Variants in PIK3CD observed in about 807,000 individuals in gnomAD.
The protein encoded by PIK3CD is phosphatidylinositol 4,5-bisphosphate 3-kinase catalytic subunit delta isoform.
PIK3CD carries 20 observed loss-of-function variants against 122.9 expected under a neutral mutation model. The observed-to-expected ratio is 0.16, with a 90% CI of 0.11 to 0.24. PIK3CD has a LOEUF of 0.24. PIK3CD is among the 10% of genes least tolerant of loss of function. PIK3CD has a pLI of 1.00. For missense variants in PIK3CD, 787 were observed against 1,406.3 expected (o/e 0.56, Z 7.04); for synonymous variants, 596 against 593.4 (o/e 1.00, Z -0.06).
At chr1:9,716,725 C>T in intron 6 of PIK3CD, 106 bp downstream of exon 6, 1 of 1,311,390 alleles carries the variant, frequency 7.6e-7, no homozygotes, top group Non-Finnish European at 1.1e-6. Context: ...CCTGCCGAGC[C>T]AGGCCTTTGG....
At chr1:9,705,978 G>T (rs1646815359) in intron 2 of PIK3CD, among the ~76,000 whole-genome samples, 1 of 151,472 alleles carries the variant, frequency 6.6e-6, no homozygotes, top group African/African-American at 2.4e-5. Context: ...CACTTGAAAT[G>T]TGGACAGTGT....
chr1:9,654,062 G>A (rs996520176), intron 1 of PIK3CD: 5 of 1,213,608 alleles, frequency 4.1e-6, no homozygotes, highest in Non-Finnish European at 5.5e-6. Flanking sequence ...CAGAGCAAGA[G>A]CCCATCTCTG....
At chr1:9,645,749 G>C in the PIK3CD span, among the ~76,000 whole-genome samples, 1 of 151,598 alleles carries the variant, frequency 6.6e-6, no homozygotes, top group East Asian at 1.9e-4. Context: ...GGGATTACAG[G>C]TGCCCGCCAC....
rs188243502 is a variant in PIK3CD, at chr1:9,728,244, T to G, written c.*1198T>G. On this transcript the variant is annotated 3_prime_UTR_variant, in exon 24 of 24. Transcript: ENST00000377346. ...GAAGTGTGAGAACGAGGGGGCGTGC[T>G]GGGATCTTTCTCTCTGACTATACTT... 20 of 152,428 alleles carry G rather than the reference T, an allele frequency of 1.3e-4. No homozygotes were observed. Among genetic ancestry groups the G allele is most frequent in the African/African-American group, 4.6e-4 (19 of 41,590 alleles). 9.4% of individuals were successfully genotyped at this position (152,428 alleles called of 1,614,324 possible).
intron 1 of PIK3CD, among the ~76,000 whole-genome samples, chr1:9,657,298 T>C (rs1644885381): frequency 6.6e-6 from 1 of 152,198 alleles, no homozygotes; most frequent in Admixed American, 6.5e-5. Flanking sequence ...TTCCAGATAA[T>C]GTCCAGGTCC....
upstream of PIK3CD, among the ~76,000 whole-genome samples, chr1:9,649,853 C>A (rs1366710177): frequency 6.6e-6 from 1 of 152,206 alleles, no homozygotes; most frequent in Non-Finnish European, 1.5e-5. Flanking sequence ...TGCTGTCAAC[C>A]CAGGGCTGAG....
rs960689013 is a variant in PIK3CD at position 9,724,488 on chromosome 1, C to A, written c.2864+67C>A. On this transcript the variant is annotated intron_variant, in intron 22 of 23. Coordinates refer to ENST00000377346, the MANE Select transcript of PIK3CD (RefSeq NM_005026.5). This position sits in a 1 kb window ranked among gnomAD's most constrained non-coding sequence, Gnocchi z 7.3. ...GCCCCAGGGAACAGGGCAGAGGTTC[C>A]CAGGCAGGGTGCAGGATGGGGCTCA... 4 of 1,576,614 alleles carry A rather than the reference C, an allele frequency of 2.5e-6. No homozygotes were observed. Among genetic ancestry groups the A allele is most frequent in the Non-Finnish European group, 3.5e-6 (4 of 1,148,524 alleles).
At chr1:9,712,608 T>C (rs1323451273) in intron 3 of PIK3CD, among the ~76,000 whole-genome samples, 1 of 152,146 alleles carries the variant, frequency 6.6e-6, no homozygotes, top group African/African-American at 2.4e-5. Flanking sequence ...AAAGCTATAA[T>C]TGGGAGCAGG....
chr1:9,715,763 G>A lies in PIK3CD; in HGVS notation c.364G>A (p.Gly122Ser), dbSNP rs1026915695. Reference protein sequence around the residue: ...LINSQISLLIGKGLHEFDSLC... With the variant: ...LINSQISLLISKGLHEFDSLC... ...CAACTCACAGATCAGCCTCCTCATC[G>A]GCAAAGGTAGCTCTGCCGAGTGGGC... is the stretch of plus-strand genomic sequence containing the variant. The change falls in exon 4 of 24, where the codon GGC (glycine) becomes AGC (serine). Residue 122 changes from glycine (G) to serine (S), a missense_variant. Physicochemically the swap from Gly to Ser is moderately conservative, Grantham distance 56. Coordinates refer to ENST00000377346, the MANE Select transcript of PIK3CD (RefSeq NM_005026.5). This position sits in a 1 kb window ranked among gnomAD's most constrained non-coding sequence, Gnocchi z 4.1. The A allele has an allele frequency of 2.2e-5, 36 of 1,613,032 alleles. No homozygotes were observed. The highest frequency in any genetic ancestry group is 2.8e-5 in the Non-Finnish European group (33 of 1,179,974).
the PIK3CD span, among the ~76,000 whole-genome samples, chr1:9,633,773 T>C: frequency 6.6e-6 from 1 of 152,146 alleles, no homozygotes; most frequent in Non-Finnish European, 1.5e-5. Flanking sequence ...GAAAGAAGGT[T>C]TTTTTTCTCT....
At chr1:9,666,712 A>C (rs1039893651) in intron 1 of PIK3CD, among the ~76,000 whole-genome samples, 2 of 151,604 alleles carry the variant, frequency 1.3e-5, no homozygotes. Context: ...TTATTTACTT[A>C]TTTATTTTTT....
At chr1:9,721,902 G>T in intron 16 of PIK3CD, 42 bp downstream of exon 16, 1 of 1,612,424 alleles carries the variant, frequency 6.2e-7, no homozygotes, top group Non-Finnish European at 8.5e-7. Context: ...GGGCGGCCCT[G>T]AGCGTCTGGG....
chr1:9,691,765 T>C, intron 2 of PIK3CD, 194 bp downstream of exon 2: 1 of 380,004 alleles, frequency 2.6e-6, no homozygotes, highest in East Asian at 3.8e-5. Context: ...GGAAGTGAAC[T>C]AGACCTCAGC....
chr1:9,633,333 A>G, the PIK3CD span, among the ~76,000 whole-genome samples: 2 of 151,888 alleles, frequency 1.3e-5, no homozygotes, highest in African/African-American at 2.4e-5. Context: ...CCAATAATCA[A>G]TGTCGCTCTT....
chr1:9,700,300 G>A lies in PIK3CD; in HGVS notation c.-33+8729G>A, dbSNP rs1209424142. Among the ~76,000 whole-genome samples, 2 of 152,022 alleles carry A rather than the reference G, an allele frequency of 1.3e-5. No homozygotes were observed. Among genetic ancestry groups the A allele is most frequent in the East Asian group, 1.9e-4 (1 of 5,182 alleles). On this transcript the variant is annotated intron_variant, in intron 2 of 23. Coordinates refer to ENST00000377346, the MANE Select transcript of PIK3CD (RefSeq NM_005026.5). The surrounding 1 kb of genome is among the most constrained non-coding windows in gnomAD (Gnocchi z 5.1). Reference sequence around the variant, plus strand: ...CTCAGACGTTCACAGCTGGGACGCCGTTCTTCCACCTTGGGCTCCAGAAAG... The same window carrying A: ...CTCAGACGTTCACAGCTGGGACGCCATTCTTCCACCTTGGGCTCCAGAAAG...
intron 1 of PIK3CD, among the ~76,000 whole-genome samples, chr1:9,676,608 G>C (rs1024408447): frequency 6.6e-6 from 1 of 152,246 alleles, no homozygotes; most frequent in African/African-American, 2.4e-5. Flanking sequence ...TGAGCTGGCA[G>C]TTGATACCAT....
chr1:9,658,609 A>G (rs1644928350), intron 1 of PIK3CD, among the ~76,000 whole-genome samples: 1 of 143,370 alleles, frequency 7.0e-6, no homozygotes, highest in African/African-American at 2.7e-5. Context: ...GGCTCACTGC[A>G]ACCTCTGCCT....
At chr1:9,677,349 A>G (rs781462763) in intron 1 of PIK3CD, among the ~76,000 whole-genome samples, 30 of 152,172 alleles carry the variant, frequency 2.0e-4, no homozygotes, top group Admixed American at 3.3e-4. Context: ...TGGCCATCTT[A>G]AGATTGCAGC....
rs1235824529 is a variant in PIK3CD at position 9,689,479 on chromosome 1, C to T, written c.-137-1988C>T. 7.0e-6 allele frequency among the ~76,000 whole-genome samples: 1 copy of T among 143,128 alleles called. No individual in the cohort carries two copies. Among genetic ancestry groups the T allele is most frequent in the Non-Finnish European group, 1.5e-5 (1 of 64,542 alleles). The allele number at this position is 143,128 out of a possible 152,430, so 93.9% of individuals were successfully genotyped here. ...CCCGGCCCCGCCCCAGCCCCGAGGACGCCCCGCCCCCAGCCGGCGCCCCGC... is the reference window on the plus strand; with the variant it reads ...CCCGGCCCCGCCCCAGCCCCGAGGATGCCCCGCCCCCAGCCGGCGCCCCGC... On this transcript the variant is annotated intron_variant, in intron 1 of 23. Transcript: ENST00000377346. This position sits in a 1 kb window ranked among gnomAD's most constrained non-coding sequence, Gnocchi z 6.1.
Sources: allele counts gnomAD v4.1 joint callset (sites outside exome capture counted in the v4.1 genomes callset), GRCh38; gene constraint gnomAD v4.1.1; non-coding constraint Gnocchi (gnomAD v3.1); transcripts MANE v1.5; gene names NCBI Gene and HGNC (gene_info 2026-07-23, HGNC 2026-07-21).